The following RIMBP2 variants were observed in gnomAD, a reference collection of about 807,000 sequenced individuals.
RIMBP2 encodes RIMS-binding protein 2.
A neutral mutation model predicts 118.6 loss-of-function variants in RIMBP2; 48 were observed. The observed-to-expected ratio is 0.40, with a 90% CI of 0.32 to 0.51. RIMBP2 has a LOEUF of 0.51. RIMBP2 is among the 20% of genes least tolerant of loss of function. RIMBP2 has a pLI of 0.41. For missense variants in RIMBP2, 1,551 were observed against 1,768.3 expected, an observed-to-expected ratio of 0.88 and a Z score of 2.20; for synonymous variants, 762 against 742.9, an observed-to-expected ratio of 1.03 and a Z score of -0.42.
intron 14 of RIMBP2, among the ~76,000 whole-genome samples, chr12:130,433,314 C>T (rs970796504): frequency 2.3e-4 from 35 of 152,216 alleles, no homozygotes; most frequent in African/African-American, 8.4e-4. Context: ...GTGCGGTGCA[C>T]ACAGAGGATG....
At chr12:130,644,754 A>C (rs1037855399) in intron 1 of RIMBP2, among the ~76,000 whole-genome samples, 4 of 152,166 alleles carry the variant, frequency 2.6e-5, no homozygotes, top group Non-Finnish European at 5.9e-5. Context: ...GGCCACAACC[A>C]CTGCGTTACT....
intron 13 of RIMBP2, among the ~76,000 whole-genome samples, chr12:130,435,554 C>T (rs140753317): frequency 1.2e-4 from 18 of 152,342 alleles, no homozygotes; most frequent in Middle Eastern, 6.8e-3. Context: ...CCGCATCCCA[C>T]AGGGCAGCTG....
intron 1 of RIMBP2, among the ~76,000 whole-genome samples, chr12:130,650,733 A>G (rs920951950): frequency 6.6e-6 from 1 of 152,154 alleles, no homozygotes; most frequent in Non-Finnish European, 1.5e-5. Flanking sequence ...GGAGACTCTG[A>G]GTTGTTTTCT....
chr12:130,585,901 G>A (rs2058852985), intron 2 of RIMBP2, among the ~76,000 whole-genome samples: 1 of 152,162 alleles, frequency 6.6e-6, no homozygotes, highest in South Asian at 2.1e-4. Context: ...CCAGCCCTGA[G>A]ACTACTAAAA....
intron 1 of RIMBP2, among the ~76,000 whole-genome samples, chr12:130,681,192 C>T (rs1167722545): frequency 2.0e-5 from 3 of 151,928 alleles, no homozygotes; most frequent in Non-Finnish European, 4.4e-5. Flanking sequence ...GCCTGTAACC[C>T]TAGTACTTTG....
intron 1 of RIMBP2, among the ~76,000 whole-genome samples, chr12:130,689,138 C>T (rs2065202727): frequency 6.6e-6 from 1 of 152,186 alleles, no homozygotes; most frequent in African/African-American, 2.4e-5. Context: ...AACACAGCTG[C>T]ACCAAACATG....
At chr12:130,451,919 G>A (rs1195151057) in intron 7 of RIMBP2, among the ~76,000 whole-genome samples, 1 of 152,222 alleles carries the variant, frequency 6.6e-6, no homozygotes, top group African/African-American at 2.4e-5. Flanking sequence ...GGCCAAAGGG[G>A]TGGGTTTGTG....
intron 2 of RIMBP2, among the ~76,000 whole-genome samples, chr12:130,628,037 G>T (rs2061754220): frequency 6.6e-6 from 1 of 152,128 alleles, no homozygotes; most frequent in African/African-American, 2.4e-5. Context: ...TGAATGAACT[G>T]CCCTGTCCAT....
At chr12:130,545,127 T>C (rs2054992795) in intron 2 of RIMBP2, among the ~76,000 whole-genome samples, 1 of 152,236 alleles carries the variant, frequency 6.6e-6, no homozygotes, top group Non-Finnish European at 1.5e-5. Flanking sequence ...CTATATATCA[T>C]TGTTTTTCAA....
intron 2 of RIMBP2, among the ~76,000 whole-genome samples, chr12:130,601,013 G>A (rs2059845365): frequency 6.6e-6 from 1 of 152,102 alleles, no homozygotes; most frequent in East Asian, 1.9e-4. Context: ...CCCTAGCCGA[G>A]TACACCCTTC....
chr12:130,651,483 A>T (rs1011415887), intron 1 of RIMBP2: 11 of 152,262 alleles, frequency 7.2e-5, no homozygotes, highest in African/African-American at 2.7e-4. Flanking sequence ...TGAGCAGGTG[A>T]GATGGTCATT....
Position 130,581,282 on chromosome 12 carries a change from G to T in RIMBP2, c.-217+47040C>A, listed in dbSNP as rs138256566. Among the ~76,000 whole-genome samples the T allele has an allele frequency of 1.3e-5, 2 of 150,880 alleles. No homozygotes were observed. Among genetic ancestry groups the T allele is most frequent in the Non-Finnish European group, 2.9e-5 (2 of 67,806 alleles). ...GAGTCAGGTTCAAACACAACAGGGT[G>T]GGGGGCGTGGATCTGGTGAGCTGAA... On this transcript the variant is annotated intron_variant, in intron 2 of 22. Coordinates refer to ENST00000690449, the MANE Select transcript of RIMBP2 (RefSeq NM_001393629.1). This position sits in a 1 kb window ranked among gnomAD's most constrained non-coding sequence, Gnocchi z 4.4.
intron 15 of RIMBP2, 179 bp downstream of exon 15, chr12:130,428,000 G>A (rs928774523): frequency 3.4e-6 from 2 of 587,296 alleles, no homozygotes; most frequent in African/African-American, 3.8e-5. Flanking sequence ...GAGCAAGACA[G>A]GAGTGTAGGT....
intron 2 of RIMBP2, among the ~76,000 whole-genome samples, chr12:130,590,034 G>C (rs529829301): frequency 1.3e-5 from 2 of 152,234 alleles, no homozygotes; most frequent in Non-Finnish European, 2.9e-5. Flanking sequence ...TGGAGTCTTC[G>C]ACTCTCAGAT....
intron 7 of RIMBP2, among the ~76,000 whole-genome samples, chr12:130,452,424 AG>A (rs1304854131): frequency 1.3e-5 from 2 of 152,230 alleles, no homozygotes; most frequent in Admixed American, 1.3e-4. Flanking sequence ...GTCCCCTGTG[AG>A]AACATCTGAT....
rs577670543 is a variant in RIMBP2, at chr12:130,645,417, T to C, written c.-351-16961A>G. The stretch of plus-strand genomic sequence containing the variant: ...ATTTTGTATGCTACAGACATTGGAG[T>C]TACTCCCTCCAGGCCCCTGAAGTTC... On this transcript the variant is annotated intron_variant, in intron 1 of 22. Transcript: ENST00000690449. 6.6e-5 allele frequency among the ~76,000 whole-genome samples: 10 copies of C among 152,264 alleles called. 1 individual carries two copies. In the South Asian group the frequency reaches 2.1e-3, roughly 32 times the overall value.
intron 4 of RIMBP2, among the ~76,000 whole-genome samples, chr12:130,496,804 C>A (rs2138581692): frequency 6.6e-6 from 1 of 152,286 alleles, no homozygotes; most frequent in Non-Finnish European, 1.5e-5. Flanking sequence ...GGACTGCTGT[C>A]CTCTCCCTGA....
chr12:130,441,401 A>AAATAAT (rs58605863), intron 11 of RIMBP2, among the ~76,000 whole-genome samples: 5,445 of 122,776 alleles, frequency 0.044, 138 homozygotes, highest in African/African-American at 0.073. Flanking sequence ...ACTCCATCTC[A>AAATAAT]AATAATAATA....
In RIMBP2 at chr12:130,671,877, T is replaced by C. The variant is rs192711772; in HGVS notation, c.-351-43421A>G. On this transcript the variant is annotated intron_variant, in intron 1 of 22. Transcript: ENST00000690449. ...GAAATGATACAATATTGAAATATAC[T>C]GGTAGATGAGAAAGTCAGGCACCAA... Among the ~76,000 whole-genome samples, 567 of 152,320 alleles carry C rather than the reference T, an allele frequency of 3.7e-3. 8 individuals are homozygous for C. Among genetic ancestry groups the C allele is most frequent in the Admixed American group, 7.4e-3 (114 of 15,306 alleles).
Sources: gnomAD v4.1 joint callset for allele counts (sites outside exome capture counted in the v4.1 genomes callset) on GRCh38, gnomAD v4.1.1 for gene constraint, Gnocchi (gnomAD v3.1) non-coding constraint, MANE v1.5 for transcripts, NCBI Gene and HGNC (gene_info 2026-07-23, HGNC 2026-07-21) for gene names.